The following DARS2 variants were observed in gnomAD, a reference collection of about 807,000 sequenced individuals.
DARS2 encodes aspartyl-tRNA synthetase 2, mitochondrial.
A neutral mutation model predicts 83.0 loss-of-function variants in DARS2; 63 were observed. The ratio of observed to expected loss-of-function variants is 0.76; its 90% CI spans 0.62 to 0.94. The LOEUF (loss-of-function observed/expected upper bound fraction) is 0.94, where lower values mean the gene tolerates loss of function less well. Ranked by LOEUF, DARS2 falls within the 40% of genes least tolerant of loss-of-function variation. DARS2 has a pLI of 0.00. For missense variants in DARS2, 675 were observed against 774.4 expected, an observed-to-expected ratio of 0.87 and a Z score of 1.52; for synonymous variants, 250 against 269.3, an observed-to-expected ratio of 0.93 and a Z score of 0.70.
chr1:173,850,454 T>G lies in DARS2; in HGVS notation c.1319T>G (p.Leu440Arg). The G allele has an allele frequency of 6.2e-7, 1 of 1,614,006 alleles. No homozygotes were observed. Among genetic ancestry groups the G allele is most frequent in the East Asian group, 2.2e-5 (1 of 44,850 alleles). Residue 440 changes from leucine (L) to arginine (R), a missense_variant, in exon 13 of 17, where the codon CTA becomes CGA. Physicochemically the swap from Leu to Arg is moderately radical, Grantham distance 102. Coordinates refer to ENST00000649689, the MANE Select transcript of DARS2 (RefSeq NM_018122.5). ...ACCCAAGAGGAAGATGTGGTCCTAC[T>G]AACTGCTGGAGAGCACAATAAAGCA... ...METQEEDVVL[L>R]TAGEHNKACS... is the part of the protein sequence containing the mutation.
At chr1:173,834,687 G>A (rs1557856313) in intron 7 of DARS2, among the ~76,000 whole-genome samples, 168 bp downstream of exon 7, 1 of 115,114 alleles carries the variant, frequency 8.7e-6, no homozygotes, top group African/African-American at 3.3e-5. Context: ...TTTTGAGTCA[G>A]AATCATTTTA....
Position 173,828,313 on chromosome 1 carries a change from T to TGGGGG in DARS2, c.228-20_228-19insGGGGG. 23 of 1,230,970 alleles carry TGGGGG rather than the reference T, an allele frequency of 1.9e-5. No homozygotes were observed. Among genetic ancestry groups the TGGGGG allele is most frequent in the East Asian group, 5.4e-5 (2 of 36,796 alleles). The allele number at this position is 1,230,970 out of a possible 1,614,324, so 76.3% of individuals were successfully genotyped here. Reference sequence around the variant, plus strand: ...AGATTTTATCTTAAAATGTTTCTTTTCCCCCCCCCCATTAATCAGGCAAAA... The same window carrying TGGGGG: ...AGATTTTATCTTAAAATGTTTCTTTTGGGGGCCCCCCCCCCATTAATCAGGCAAAA... On this transcript the variant is annotated intron_variant, in intron 2 of 16. Transcript: ENST00000649689.
chr1:173,840,055 G>T (rs186868746), intron 10 of DARS2, among the ~76,000 whole-genome samples: 1 of 152,202 alleles, frequency 6.6e-6, no homozygotes, highest in Non-Finnish European at 1.5e-5. Flanking sequence ...TAATGCTAGT[G>T]ACATTTCTAT....
At chr1:173,837,231 C>G (rs935849570) in intron 8 of DARS2, among the ~76,000 whole-genome samples, 185 bp downstream of exon 8, 17 of 147,092 alleles carry the variant, frequency 1.2e-4, no homozygotes, top group Non-Finnish European at 4.5e-5. Flanking sequence ...TGGGTGGCCA[C>G]TATGTACAAA....
chr1:173,833,253 G>T, intron 5 of DARS2, 123 bp from the exon 6 acceptor site: 1 of 777,876 alleles, frequency 1.3e-6, no homozygotes. Flanking sequence ...GCATACAGTG[G>T]GCTACTTAAT....
chr1:173,837,808 C>CT (rs1315598778), intron 8 of DARS2, among the ~76,000 whole-genome samples: 1 of 151,654 alleles, frequency 6.6e-6, no homozygotes, highest in Non-Finnish European at 1.5e-5. Flanking sequence ...AGTCTTTGCT[C>CT]TGTCACCCAA....
rs769040549 is a variant in DARS2 at position 173,830,738 on chromosome 1, C to T, written c.373C>T (p.Arg125Cys). ...VVQVSGTVIS[R>C]PAGQENPKMP... ...GCAAGTGTCTGGTACAGTCATTTCC[C>T]GTCCTGCAGGACAAGAGAATCCAGT... The change falls in exon 4 of 17, where the codon CGT becomes TGT. Residue 125 changes from arginine (R) to cysteine (C), a missense_variant. By Grantham distance (180) the Arg-to-Cys change is radical. Coordinates refer to ENST00000649689, the MANE Select transcript of DARS2 (RefSeq NM_018122.5). The T allele has an allele frequency of 7.4e-6, 12 of 1,613,860 alleles. No individual in the cohort carries two copies. Among genetic ancestry groups the T allele is most frequent in the South Asian group, 1.1e-5 (1 of 91,084 alleles).
intron 15 of DARS2, 46 bp from the exon 16 acceptor site, chr1:173,856,620 T>C (rs770122422): frequency 2.4e-5 from 38 of 1,569,526 alleles, no homozygotes; most frequent in Non-Finnish European, 3.1e-5. Context: ...TGGCACTTAG[T>C]GGACCTTCAA....
intron 4 of DARS2, 117 bp from the exon 5 acceptor site, chr1:173,831,418 C>T: frequency 2.4e-6 from 2 of 827,398 alleles, no homozygotes; most frequent in South Asian, 2.7e-5. Flanking sequence ...TTATACTATA[C>T]ACTATAAGGA....
At chr1:173,852,886 C>G (rs1480718186) in intron 13 of DARS2, among the ~76,000 whole-genome samples, 1 of 152,142 alleles carries the variant, frequency 6.6e-6, no homozygotes, top group Admixed American at 6.5e-5. Context: ...CAGGCACTTA[C>G]CAAATCCTCA....
At chr1:173,849,828 C>T (rs1269003593) in intron 12 of DARS2, among the ~76,000 whole-genome samples, 1 of 151,508 alleles carries the variant, frequency 6.6e-6, no homozygotes, top group Non-Finnish European at 1.5e-5. Context: ...CATTCTTCAT[C>T]CCCTCCCCCT....
intron 3 of DARS2, among the ~76,000 whole-genome samples, chr1:173,829,736 C>T (rs1405397602): frequency 1.3e-5 from 2 of 151,940 alleles, no homozygotes; most frequent in East Asian, 3.9e-4. Context: ...GGTGAAACCC[C>T]GTCTCTACTA....
chr1:173,856,701 T>G lies in DARS2; in HGVS notation c.1710T>G (p.Ala570=). 1.2e-6 allele frequency: 2 copies of G among 1,614,056 alleles called. No individual in the cohort carries two copies. Among genetic ancestry groups the G allele is most frequent in the Non-Finnish European group, 1.7e-6 (2 of 1,179,982 alleles). Residue 570 remains alanine (A), a synonymous_variant, in exon 16 of 17, where the codon GCT becomes GCG. Transcript: ENST00000649689. ...AAATGCTCTCCCATCTGCTCCAGGC[T>G]TTAGATTATGGGGCACCCCCTCATG... ...DVKMLSHLLQ[A]LDYGAPPHGG...
Position 173,824,713 on chromosome 1 carries a change from C to A in DARS2, c.-517C>A. The A allele has an allele frequency of 5.6e-6, 1 of 179,132 alleles. No homozygotes were observed. 11.1% of individuals were successfully genotyped at this position (179,132 alleles called of 1,614,324 possible). A position where few individuals can be genotyped will look rare whatever the true frequency, so the allele number is the denominator to read the frequency against. On this transcript the variant is annotated 5_prime_UTR_variant, in exon 1 of 17. Coordinates refer to ENST00000649689, the MANE Select transcript of DARS2 (RefSeq NM_018122.5). ...CCCAGCGGCGATCTGTGTTTGGGTTCGCGCTCTGGGAGAATTTTGGCTTTG... is the reference window on the plus strand; with the variant it reads ...CCCAGCGGCGATCTGTGTTTGGGTTAGCGCTCTGGGAGAATTTTGGCTTTG...
intron 13 of DARS2, among the ~76,000 whole-genome samples, chr1:173,851,003 C>T (rs1242798129): frequency 3.3e-5 from 5 of 151,784 alleles, no homozygotes; most frequent in Non-Finnish European, 7.4e-5. Flanking sequence ...TTTGGGAGGC[C>T]GAGGTGGGTG....
rs563212168 is a variant in DARS2, at chr1:173,836,919, CTCTT to C, written c.664-17_664-14del. On this transcript the variant is annotated splice_polypyrimidine_tract_variant and intron_variant, in intron 7 of 16. Transcript: ENST00000649689. ...TGTTTTTTAATAATCTGTCTTCTCT[CTCTT>C]TCTCTCTCTTTGAAAGGGTGCCAAA... 43 of 1,598,806 alleles carry C rather than the reference CTCTT, an allele frequency of 2.7e-5. No homozygotes were observed. The African/African-American group carries it at 4.5e-4, about 17-fold the overall frequency.
At chr1:173,837,085 A>G in intron 8 of DARS2, 39 bp downstream of exon 8, 1 of 1,554,522 alleles carries the variant, frequency 6.4e-7, no homozygotes, top group Non-Finnish European at 8.9e-7. Flanking sequence ...AGAAAAGGAA[A>G]AGAGAAAAAC....
chr1:173,846,424 C>G (rs1477132976), intron 12 of DARS2, among the ~76,000 whole-genome samples: 1 of 151,834 alleles, frequency 6.6e-6, no homozygotes, highest in African/African-American at 2.4e-5. Flanking sequence ...CCCAGGAGTT[C>G]AAGGCTGCAG....
chr1:173,837,281 A>C (rs1283585716), intron 8 of DARS2, among the ~76,000 whole-genome samples: 2 of 152,052 alleles, frequency 1.3e-5, no homozygotes, highest in Non-Finnish European at 2.9e-5. Context: ...TTAAAAAAAA[A>C]AAAAAAAGAA....
Sources: gnomAD v4.1 joint callset for allele counts (sites outside exome capture counted in the v4.1 genomes callset) on GRCh38, gnomAD v4.1.1 for gene constraint, MANE v1.5 for transcripts, NCBI Gene and HGNC (gene_info 2026-07-23, HGNC 2026-07-21) for gene names.